GRAMD2B: variants seen among roughly 807,000 people sequenced by gnomAD.
The protein encoded by GRAMD2B is GRAM domain-containing protein 2B.
In GRAMD2B, 41 loss-of-function variants were observed where a neutral mutation model predicts 59.2. The ratio of observed to expected loss-of-function variants is 0.69; its 90% CI spans 0.54 to 0.90. The LOEUF (loss-of-function observed/expected upper bound fraction) is 0.90, where lower values mean the gene tolerates loss of function less well. GRAMD2B is among the 40% of genes least tolerant of loss of function. The probability of loss-of-function intolerance (pLI) is 0.00; values close to 1 mark genes in which losing one functional copy is unlikely to be tolerated. For synonymous variants in GRAMD2B, 161 were observed against 182.7 expected (o/e 0.88, Z 0.96); for missense variants, 424 against 500.5 (o/e 0.85, Z 1.46).
chr5:126,375,977 A>G (rs1479980766), intron 1 of GRAMD2B, among the ~76,000 whole-genome samples: 1 of 152,206 alleles, frequency 6.6e-6, no homozygotes, highest in Non-Finnish European at 1.5e-5. Context: ...TCGTTTCTCA[A>G]AATATACAGA....
At chr5:126,385,560 C>T (rs1439827485) in intron 1 of GRAMD2B, among the ~76,000 whole-genome samples, 1 of 152,200 alleles carries the variant, frequency 6.6e-6, no homozygotes, top group Non-Finnish European at 1.5e-5. Context: ...ATGCCACACA[C>T]TTTCATATCT....
intron 1 of GRAMD2B, among the ~76,000 whole-genome samples, chr5:126,386,901 G>A (rs1459096938): frequency 6.6e-6 from 1 of 152,084 alleles, no homozygotes; most frequent in African/African-American, 2.4e-5. Flanking sequence ...AAACACAGTT[G>A]GAAGTCATTA....
At chr5:126,423,070 T>G (rs577629076), upstream of GRAMD2B, 6 of 689,392 alleles carry the variant, frequency 8.7e-6, no homozygotes, top group South Asian at 3.9e-4. Context: ...TTGAATAATT[T>G]AGGATGGGGC....
chr5:126,454,309 A>G lies in GRAMD2B; in HGVS notation c.84-11117A>G, dbSNP rs775643785. On this transcript the variant is annotated intron_variant, in intron 1 of 13. Coordinates refer to ENST00000285689, the MANE Select transcript of GRAMD2B (RefSeq NM_023927.4). ...CGTGTCTCAGGAGGATGAATCGCAC[A>G]TTGATGTCCCAGAATCTTGGAGAGG... Among the ~76,000 whole-genome samples, 7 of 152,174 alleles carry G rather than the reference A, an allele frequency of 4.6e-5. No homozygotes were observed. The South Asian group carries it at 1.0e-3, about 23-fold the overall frequency.
chr5:126,469,184 G>T (rs766740124), intron 2 of GRAMD2B, among the ~76,000 whole-genome samples: 5 of 152,074 alleles, frequency 3.3e-5, no homozygotes, highest in Non-Finnish European at 7.4e-5. Context: ...TACAGTTTTT[G>T]ATTACAGCCT....
intron 1 of GRAMD2B, chr5:126,445,486 C>A (rs901864205): frequency 1.3e-5 from 2 of 152,186 alleles, no homozygotes; most frequent in Admixed American, 6.5e-5. Context: ...TCCAGACAAT[C>A]TTGAGGGCCA....
In GRAMD2B at chr5:126,423,621, G is replaced by A. The variant is rs556619120; in HGVS notation, c.15G>A (p.Gln5=). ...ACACGGCCCCGATGACTGAACTACAGCAAGATGTGGAAGACACAAAGCCTG... is the reference window on the plus strand; with the variant it reads ...ACACGGCCCCGATGACTGAACTACAACAAGATGTGGAAGACACAAAGCCTG... The part of the protein sequence containing the change: MTEL[Q]QDVEDTKPAK... Residue 5 remains glutamine, a synonymous_variant, in exon 1 of 14, where the codon CAG becomes CAA. Transcript: ENST00000285689. The A allele has an allele frequency of 6.2e-7, 1 of 1,612,612 alleles. No individual in the cohort carries two copies. Among genetic ancestry groups the A allele is most frequent in the South Asian group, 1.1e-5 (1 of 90,592 alleles).
intron 1 of GRAMD2B, among the ~76,000 whole-genome samples, chr5:126,424,146 G>A (rs1158919286): frequency 2.0e-5 from 3 of 152,184 alleles, no homozygotes; most frequent in Non-Finnish European, 4.4e-5. Flanking sequence ...AGTGGGGATG[G>A]GGGAGGCACA....
intron 2 of GRAMD2B, among the ~76,000 whole-genome samples, chr5:126,468,112 T>A (rs1768805295): frequency 6.6e-6 from 1 of 152,238 alleles, no homozygotes; most frequent in Non-Finnish European, 1.5e-5. Flanking sequence ...AGCAACTTCA[T>A]AATCATAAAA....
intron 1 of GRAMD2B, among the ~76,000 whole-genome samples, chr5:126,411,093 G>T (rs1193076955): frequency 6.6e-6 from 1 of 151,870 alleles, no homozygotes; most frequent in Non-Finnish European, 1.5e-5. Context: ...TTCTTTTGCT[G>T]TGCAGAGCTC....
At chr5:126,411,290 G>A (rs1758765100) in intron 1 of GRAMD2B, among the ~76,000 whole-genome samples, 1 of 152,232 alleles carries the variant, frequency 6.6e-6, no homozygotes, top group Admixed American at 6.5e-5. Context: ...TATGGTGAAA[G>A]GCAGGGGTCC....
At position 126,466,456 on chromosome 5, in the gene GRAMD2B, C is replaced by T. The variant is rs1194690616; in HGVS notation, c.203+911C>T. 10 of 671,552 alleles carry T rather than the reference C, an allele frequency of 1.5e-5. No individual in the cohort carries two copies. The East Asian group carries it at 1.9e-4, about 13-fold the overall frequency. 41.6% of individuals were successfully genotyped at this position (671,552 alleles called of 1,614,324 possible). On this transcript the variant is annotated intron_variant, in intron 2 of 13. Coordinates refer to ENST00000285689, the MANE Select transcript of GRAMD2B (RefSeq NM_023927.4). ...TTTTTTTTTTTTCCAGTCGGAGTCTCGCTCTGTCATCCAGGCTGGAGTGCA... is the reference window on the plus strand; with the variant it reads ...TTTTTTTTTTTTCCAGTCGGAGTCTTGCTCTGTCATCCAGGCTGGAGTGCA...
At chr5:126,430,740 T>C (rs1212368833) in intron 1 of GRAMD2B, among the ~76,000 whole-genome samples, 2 of 152,182 alleles carry the variant, frequency 1.3e-5, no homozygotes, top group African/African-American at 4.8e-5. Flanking sequence ...AGAAACAAGA[T>C]TGTAAGCATC....
At chr5:126,361,113 T>A (rs756588956) in intron 1 of GRAMD2B, among the ~76,000 whole-genome samples, 1 of 152,204 alleles carries the variant, frequency 6.6e-6, no homozygotes, top group Admixed American at 6.5e-5. Flanking sequence ...TGTTTAAAAA[T>A]TCCTCTATTA....
chr5:126,385,119 C>G (rs1006918597), intron 1 of GRAMD2B, among the ~76,000 whole-genome samples: 6 of 152,294 alleles, frequency 3.9e-5, no homozygotes, highest in African/African-American at 1.4e-4. Flanking sequence ...GACTTCACCC[C>G]AGGAGGGCTG....
chr5:126,453,291 C>T (rs759654609), intron 1 of GRAMD2B, among the ~76,000 whole-genome samples: 6 of 148,864 alleles, frequency 4.0e-5, no homozygotes, highest in Non-Finnish European at 7.4e-5. Flanking sequence ...GCCAAGATCA[C>T]GCCACTGCAC....
At chr5:126,380,845 A>T (rs540889616) in intron 1 of GRAMD2B, among the ~76,000 whole-genome samples, 1 of 152,278 alleles carries the variant, frequency 6.6e-6, no homozygotes, top group African/African-American at 2.4e-5. Flanking sequence ...ATCACGGGCA[A>T]ACAGTGACAG....
At chr5:126,391,480 A>T (rs1312628894) in intron 1 of GRAMD2B, among the ~76,000 whole-genome samples, 1 of 152,060 alleles carries the variant, frequency 6.6e-6, no homozygotes, top group African/African-American at 2.4e-5. Context: ...TAACAATAAC[A>T]CTTGTACATG....
chr5:126,383,908 G>A (rs758879296), intron 1 of GRAMD2B, among the ~76,000 whole-genome samples: 7 of 152,048 alleles, frequency 4.6e-5, no homozygotes, highest in African/African-American at 7.2e-5. Context: ...AGAGAACTAC[G>A]TGAGATTCCC....
Sources: gnomAD v4.1 joint callset for allele counts (sites outside exome capture counted in the v4.1 genomes callset) on GRCh38, gnomAD v4.1.1 for gene constraint, MANE v1.5 for transcripts, NCBI Gene and HGNC (gene_info 2026-07-23, HGNC 2026-07-21) for gene names.